The following MICALL1 variants were observed in gnomAD, a reference collection of about 807,000 sequenced individuals.
MICALL1 encodes MICAL-like protein 1.
Under a neutral mutation model 83.7 loss-of-function variants are expected in MICALL1, and 61 were observed. That is an observed-to-expected ratio of 0.73 (90% CI 0.59 to 0.90). The LOEUF is 0.90. Among genes scored for constraint, MICALL1 ranks in the 40% least tolerant of loss-of-function variants. The pLI is 0.00. For missense variants in MICALL1, 1,066 were observed against 1,152.0 expected (o/e 0.93, Z 1.08); for synonymous variants, 481 against 473.6 (o/e 1.02, Z -0.20).
Position 37,924,333 on chromosome 22 carries a change from C to T in MICALL1, c.1025-327C>T, listed in dbSNP as rs1266554198. Among the ~76,000 whole-genome samples the T allele has an allele frequency of 6.6e-6, 1 of 152,182 alleles. No individual in the cohort carries two copies. Among genetic ancestry groups the T allele is most frequent in the Non-Finnish European group, 1.5e-5 (1 of 68,018 alleles). On this transcript the variant is annotated intron_variant, in intron 6 of 15. Transcript: ENST00000215957. The surrounding 1 kb of genome is among the most constrained non-coding windows in gnomAD (Gnocchi z 5.2). ...GCTGCTGTGGGATTCACAGAGGACA[C>T]TTGGGAGTCCAGGACTTCCAGGAGG...
At position 37,940,914 on chromosome 22, in the gene MICALL1, C is replaced by T. The variant is rs558163291; in HGVS notation, c.*84C>T. On this transcript the variant is annotated 3_prime_UTR_variant, in exon 16 of 16. Transcript: ENST00000215957. ...TGTTTGAAGGGGGCGCCCTGCTCCC[C>T]TCAGATCAGTCAGGAGGAAGATGAC... 23 of 1,556,558 alleles carry T rather than the reference C, an allele frequency of 1.5e-5. No individual in the cohort carries two copies. In the African/African-American group the frequency reaches 3.0e-4, roughly 20 times the overall value.
At chr22:37,908,457 C>T (rs1188844390) in intron 1 of MICALL1, among the ~76,000 whole-genome samples, 2 of 151,974 alleles carry the variant, frequency 1.3e-5, no homozygotes, top group Non-Finnish European at 2.9e-5. Context: ...CACGCCACCA[C>T]GCCTGTCTAA....
In MICALL1 at chr22:37,927,412, T is replaced by A; in HGVS notation, c.1467T>A (p.Ala489=). 9 of 1,577,222 alleles carry A rather than the reference T, an allele frequency of 5.7e-6. No individual in the cohort carries two copies. Among genetic ancestry groups the A allele is most frequent in the Non-Finnish European group, 7.7e-6 (9 of 1,162,372 alleles). ...GTGTCCTGGTGCTCGTCCGCACAGCTCTCCACGCCTCCCGCCTCTCGCACT... is the reference window on the plus strand; with the variant it reads ...GTGTCCTGGTGCTCGTCCGCACAGCACTCCACGCCTCCCGCCTCTCGCACT... ...APRAPSASPL[A]LHASRLSHSE... is the part of the protein sequence containing the mutation. The change falls in exon 9 of 16, where the codon GCT becomes GCA. Residue 489 remains alanine (A), a splice_region_variant and synonymous_variant. Transcript: ENST00000215957.
chr22:37,937,295 TC>T, intron 14 of MICALL1, 101 bp downstream of exon 14: 1 of 1,009,252 alleles, frequency 9.9e-7, no homozygotes, highest in Non-Finnish European at 1.5e-6. Context: ...AAAGACACAG[TC>T]CACGCCTCAG....
Position 37,936,693 on chromosome 22 carries a change from C to T in MICALL1, c.2309-387C>T, listed in dbSNP as rs192336523. On this transcript the variant is annotated intron_variant, in intron 13 of 15. Coordinates refer to ENST00000215957, the MANE Select transcript of MICALL1 (RefSeq NM_033386.4). ...GGATCACGAGGTCAGGAGATCGAGA[C>T]CATCCTGGCCAACATGGTGAAACCC... is the stretch of plus-strand genomic sequence containing the variant. Among the ~76,000 whole-genome samples, 333 of 152,286 alleles carry T rather than the reference C, an allele frequency of 2.2e-3. 2 individuals carry two copies. The highest frequency in any genetic ancestry group is 0.017 in the Middle Eastern group (5 of 294).
At chr22:37,912,080 G>A (rs1317196564) in intron 2 of MICALL1, 80 bp downstream of exon 2, 18 of 1,537,030 alleles carry the variant, frequency 1.2e-5, no homozygotes, top group Non-Finnish European at 1.5e-5. Flanking sequence ...GGGGAGGGCA[G>A]GGGTCTTGCA....
intron 10 of MICALL1, 41 bp downstream of exon 10, chr22:37,931,974 T>C: frequency 6.2e-7 from 1 of 1,602,492 alleles, no homozygotes; most frequent in Non-Finnish European, 8.5e-7. Flanking sequence ...TGGCCTGGGC[T>C]GGCAACCCCC....
chr22:37,918,757 T>C (rs1264716939), intron 4 of MICALL1, among the ~76,000 whole-genome samples: 1 of 152,178 alleles, frequency 6.6e-6, no homozygotes, highest in African/African-American at 2.4e-5. Flanking sequence ...GAGGGAAGCC[T>C]CAGAAACCGG....
intron 6 of MICALL1, among the ~76,000 whole-genome samples, chr22:37,923,122 G>T (rs1191142714): frequency 6.6e-6 from 1 of 151,446 alleles, no homozygotes; most frequent in Non-Finnish European, 1.5e-5. Flanking sequence ...GTAAAGATGA[G>T]GTTTCACCAT....
At chr22:37,914,281 CA>C (rs1928530741) in intron 3 of MICALL1, among the ~76,000 whole-genome samples, 1 of 150,996 alleles carries the variant, frequency 6.6e-6, no homozygotes, top group Admixed American at 6.6e-5. Flanking sequence ...GGCTGGAGTG[CA>C]ATGGCGCGGT....
chr22:37,937,471 T>C (rs895389974), intron 14 of MICALL1, among the ~76,000 whole-genome samples: 3 of 146,000 alleles, frequency 2.1e-5, no homozygotes, highest in Non-Finnish European at 4.5e-5. Flanking sequence ...TTGCCCAGGC[T>C]GGAGTGCAAT....
intron 13 of MICALL1, 91 bp downstream of exon 13, chr22:37,933,203 G>T: frequency 7.5e-7 from 1 of 1,326,418 alleles, no homozygotes; most frequent in South Asian, 1.2e-5. Context: ...ACCCCAGTAG[G>T]ATGCACAGGC....
intron 13 of MICALL1, among the ~76,000 whole-genome samples, chr22:37,934,647 A>T (rs528961893): frequency 2.3e-4 from 34 of 150,494 alleles, no homozygotes; most frequent in East Asian, 5.9e-4. Context: ...CCCAGGCTGG[A>T]GTGCAGTGGC....
rs1234842339 is a variant in MICALL1, at chr22:37,906,343, A to G, written c.-80A>G. Reference sequence around the variant, plus strand: ...CTCGGAGCCGCAGCCGCAGCCGGAAACCGGGCCCGCGCGGCGGCCGCCGTC... The same window carrying G: ...CTCGGAGCCGCAGCCGCAGCCGGAAGCCGGGCCCGCGCGGCGGCCGCCGTC... On this transcript the variant is annotated 5_prime_UTR_variant, in exon 1 of 16. Transcript: ENST00000215957. This position sits in a 1 kb window ranked among gnomAD's most constrained non-coding sequence, Gnocchi z 4.4. The G allele has an allele frequency of 7.2e-6, 7 of 969,406 alleles. No individual in the cohort carries two copies. The highest frequency in any genetic ancestry group is 8.6e-6 in the Non-Finnish European group (7 of 813,780). The allele number at this position is 969,406 out of a possible 1,614,324, so 60.1% of individuals were successfully genotyped here. A position where few individuals can be genotyped will look rare whatever the true frequency, so the allele number is the denominator to read the frequency against.
chr22:37,921,562 A>G (rs2145907699), intron 5 of MICALL1, among the ~76,000 whole-genome samples: 1 of 152,324 alleles, frequency 6.6e-6, no homozygotes, highest in South Asian at 2.1e-4. Flanking sequence ...AACAAGAGTG[A>G]GACTCCATCT....
chr22:37,922,763 C>G (rs1386469202), intron 6 of MICALL1, among the ~76,000 whole-genome samples: 2 of 144,532 alleles, frequency 1.4e-5, no homozygotes, highest in African/African-American at 5.1e-5. Flanking sequence ...GCATGCGCCA[C>G]CATGCCCAGC....
rs1418308907 is a variant in MICALL1 at position 37,937,114 on chromosome 22, G to A, written c.2343G>A (p.Glu781=). 6.4e-7 allele frequency: 1 copy of A among 1,551,680 alleles called. No individual in the cohort carries two copies. The change falls in exon 14 of 16, where the codon GAG becomes GAA. Residue 781 remains glutamate (E), a synonymous_variant. Transcript: ENST00000215957. ...GGACGGAGGAGGACCGGGCCCGGGAGAAGGTGCTGATGCAGGAGCTTGTGA... is the reference window on the plus strand; with the variant it reads ...GGACGGAGGAGGACCGGGCCCGGGAAAAGGTGCTGATGCAGGAGCTTGTGA... ...KDWTEEDRAR[E]KVLMQELVTL...
rs1380150064 is a variant in MICALL1 at position 37,937,155 on chromosome 22, G to A, written c.2384G>A (p.Arg795His). The A allele has an allele frequency of 1.5e-5, 24 of 1,550,902 alleles. No homozygotes were observed. Among genetic ancestry groups the A allele is most frequent in the African/African-American group, 2.7e-5 (2 of 72,930 alleles). ...MQELVTLIEQ[R>H]NAIINCLDED... ...GAGCTTGTGACCCTCATTGAGCAGC[G>A]CAACGCTATCATCAACTGCCTGGAT... The change falls in exon 14 of 16, where the codon CGC (arginine) becomes CAC (histidine). Residue 795 changes from arginine to histidine, a missense_variant. Transcript: ENST00000215957.
chr22:37,931,924 C>G lies in MICALL1; in HGVS notation c.2007C>G (p.Ile669Met). ...PPAPGHGFPL[I>M]KRKVQADQYI... Reference sequence around the variant, plus strand: ...CCCCTGGACACGGCTTTCCACTCATCAAACGCAAGGTACCAGCTGGGAGCC... The same window carrying G: ...CCCCTGGACACGGCTTTCCACTCATGAAACGCAAGGTACCAGCTGGGAGCC... The change falls in exon 10 of 16, where the codon ATC becomes ATG. Residue 669 changes from isoleucine to methionine, a missense_variant. Coordinates refer to ENST00000215957, the MANE Select transcript of MICALL1 (RefSeq NM_033386.4). The G allele has an allele frequency of 1.2e-6, 2 of 1,614,082 alleles. No individual in the cohort carries two copies. Among genetic ancestry groups the G allele is most frequent in the Non-Finnish European group, 1.7e-6 (2 of 1,179,998 alleles).
Sources: allele counts gnomAD v4.1 joint callset (sites outside exome capture counted in the v4.1 genomes callset), GRCh38; gene constraint gnomAD v4.1.1; non-coding constraint Gnocchi (gnomAD v3.1); transcripts MANE v1.5; gene names NCBI Gene and HGNC (gene_info 2026-07-23, HGNC 2026-07-21).